C12orf43: variants seen among roughly 807,000 people sequenced by gnomAD.
C12orf43 encodes the protein protein CUSTOS.
C12orf43 carries 15 observed loss-of-function variants against 20.6 expected under a neutral mutation model. The ratio of observed to expected loss-of-function variants is 0.73; its 90% confidence interval spans 0.49 to 1.12. The LOEUF (loss-of-function observed/expected upper bound fraction) is 1.12. Among genes scored for constraint, C12orf43 ranks in the 50% most tolerant of loss-of-function variants. C12orf43 has a pLI of 0.00. For synonymous variants in C12orf43, 144 were observed against 130.8 expected (o/e 1.10, Z -0.69); for missense variants, 334 against 344.4 (o/e 0.97, Z 0.24).
In C12orf43 at chr12:121,005,171, CAAAAAA is replaced by C. The variant is rs1592908781; in HGVS notation, c.362-84_362-79del. 4 of 790,534 alleles carry C rather than the reference CAAAAAA, an allele frequency of 5.1e-6. No homozygotes were observed. In the East Asian group the frequency reaches 1.4e-4, roughly 27 times the overall value. 49.0% of individuals were successfully genotyped at this position (790,534 alleles called of 1,614,324 possible). A position where few individuals can be genotyped will look rare whatever the true frequency, so the allele number is the denominator to read the frequency against. ...CATAAAAAAATAAAAAATAAAGAAA[CAAAAAA>C]GAAAAAAATTTTAAAAAGGAAAACG... On this transcript the variant is annotated intron_variant, in intron 4 of 5. Coordinates refer to ENST00000288757, the MANE Select transcript of C12orf43 (RefSeq NM_022895.3). This position sits in a 1 kb window ranked among gnomAD's most constrained non-coding sequence, Gnocchi z 5.6.
At position 121,001,725 on chromosome 12, in the gene C12orf43, C is replaced by T; in HGVS notation, c.*2428G>A. 1 of 523,458 alleles carries T rather than the reference C, an allele frequency of 1.9e-6. No individual in the cohort carries two copies. Among genetic ancestry groups the T allele is most frequent in the South Asian group, 1.6e-5 (1 of 63,066 alleles). 32.4% of individuals were successfully genotyped at this position (523,458 alleles called of 1,614,324 possible). A position where few individuals can be genotyped will look rare whatever the true frequency, so the allele number is the denominator to read the frequency against. On this transcript the variant is annotated 3_prime_UTR_variant, in exon 6 of 6. Transcript: ENST00000288757. ...GCTAGTGACCCACATGCCATTTGTA[C>T]TGACCCCATCACCTACTCACACAGG...
chr12:121,003,960 C>A lies in C12orf43; in HGVS notation c.*193G>T, dbSNP rs927683433. The A allele has an allele frequency of 9.4e-6, 6 of 639,792 alleles. No individual in the cohort carries two copies. The highest frequency in any genetic ancestry group is 1.6e-5 in the Non-Finnish European group (6 of 364,562). 39.6% of individuals were successfully genotyped at this position (639,792 alleles called of 1,614,324 possible). A position where few individuals can be genotyped will look rare whatever the true frequency, so the allele number is the denominator to read the frequency against. ...AGGGGCAGGCCTTGATTGGTCTTCT[C>A]ACCCTACAGCCACTTTTTTGGCCCA... On this transcript the variant is annotated 3_prime_UTR_variant, in exon 6 of 6. Coordinates refer to ENST00000288757, the MANE Select transcript of C12orf43 (RefSeq NM_022895.3).
intron 3 of C12orf43, 178 bp from the exon 4 acceptor site, chr12:121,006,572 G>A (rs1017610866): frequency 8.4e-6 from 5 of 597,608 alleles, no homozygotes; most frequent in African/African-American, 3.7e-5. Context: ...TCTGCCACGC[G>A]AACTGCAGTG....
At position 121,000,668 on chromosome 12, in the gene C12orf43, C is replaced by G. The variant is rs1877395187; in HGVS notation, c.*3485G>C. On this transcript the variant is annotated 3_prime_UTR_variant, in exon 6 of 6. Coordinates refer to ENST00000288757, the MANE Select transcript of C12orf43 (RefSeq NM_022895.3). The stretch of plus-strand genomic sequence containing the variant: ...CGGCCTTCCACTGATGTAGGAGGCC[C>G]ACCCATATTTTCAGGGTAATCTCCT... 3.4e-6 allele frequency: 1 copy of G among 294,472 alleles called. No individual in the cohort carries two copies. The highest frequency in any genetic ancestry group is 2.2e-5 in the African/African-American group (1 of 45,904). 18.2% of individuals were successfully genotyped at this position (294,472 alleles called of 1,614,324 possible).
At chr12:121,012,046 G>A (rs138439841) in intron 1 of C12orf43, among the ~76,000 whole-genome samples, 4 of 152,308 alleles carry the variant, frequency 2.6e-5, no homozygotes, top group East Asian at 1.9e-4. Flanking sequence ...GGAAAAAAAC[G>A]GAAACAAAGT....
In C12orf43 at chr12:121,016,394, G is replaced by A; in HGVS notation, c.81C>T (p.Arg27=). The change falls in exon 1 of 6, where the codon CGC becomes CGT. Residue 27 remains arginine (R), a synonymous_variant. Coordinates refer to ENST00000288757, the MANE Select transcript of C12orf43 (RefSeq NM_022895.3). ...AGCCCCAAGCCGGCATTGCCGCCTC[G>A]CGGCACCGCTCCAGCTCCTCCGCAT... is the stretch of plus-strand genomic sequence containing the variant. ...SSDAEELERC[R]EAAMPAWGLE... is the part of the protein sequence containing the mutation. 6.2e-7 allele frequency: 1 copy of A among 1,613,910 alleles called. No homozygotes were observed. The highest frequency in any genetic ancestry group is 8.5e-7 in the Non-Finnish European group (1 of 1,180,042).
Position 121,001,864 on chromosome 12 carries a change from G to C in C12orf43, c.*2289C>G, listed in dbSNP as rs1057365818. 3.8e-6 allele frequency: 2 copies of C among 521,152 alleles called. No individual in the cohort carries two copies. Among genetic ancestry groups the C allele is most frequent in the Non-Finnish European group, 7.4e-6 (2 of 268,614 alleles). 32.3% of individuals were successfully genotyped at this position (521,152 alleles called of 1,614,324 possible). A position where few individuals can be genotyped will look rare whatever the true frequency, so the allele number is the denominator to read the frequency against. ...GCTCTCCTGGCTTCCCATCCCCAGC[G>C]ATTCCCTCTCCCAGGCCCCATGACC... On this transcript the variant is annotated 3_prime_UTR_variant, in exon 6 of 6. Coordinates refer to ENST00000288757, the MANE Select transcript of C12orf43 (RefSeq NM_022895.3).
Position 121,004,966 on chromosome 12 carries a change from A to G in C12orf43, c.452+37T>C. The G allele has an allele frequency of 2.8e-6, 4 of 1,450,554 alleles. No homozygotes were observed. Among genetic ancestry groups the G allele is most frequent in the Non-Finnish European group, 3.7e-6 (4 of 1,081,724 alleles). The allele number at this position is 1,450,554 out of a possible 1,614,324, so 89.9% of individuals were successfully genotyped here. On this transcript the variant is annotated intron_variant, in intron 5 of 5. Transcript: ENST00000288757. This position sits in a 1 kb window ranked among gnomAD's most constrained non-coding sequence, Gnocchi z 5.6. ...AACCCACCAAGACAGAAGAGGAGAA[A>G]AAAGGAGGGGACGTGAGGAGAGGTG...
At chr12:121,013,511 T>C (rs2135886320) in intron 1 of C12orf43, among the ~76,000 whole-genome samples, 1 of 152,320 alleles carries the variant, frequency 6.6e-6, no homozygotes, top group East Asian at 1.9e-4. Context: ...CTTCCTGGAT[T>C]TGTAAGCTAC....
Position 121,004,970 on chromosome 12 carries a change from G to T in C12orf43, c.452+33C>A. ...CACCAAGACAGAAGAGGAGAAAAAA[G>T]GAGGGGACGTGAGGAGAGGTGTGAG... On this transcript the variant is annotated intron_variant, in intron 5 of 5. Coordinates refer to ENST00000288757, the MANE Select transcript of C12orf43 (RefSeq NM_022895.3). This position sits in a 1 kb window ranked among gnomAD's most constrained non-coding sequence, Gnocchi z 5.6. The T allele has an allele frequency of 6.8e-7, 1 of 1,464,496 alleles. No individual in the cohort carries two copies. Among genetic ancestry groups the T allele is most frequent in the Non-Finnish European group, 9.2e-7 (1 of 1,092,218 alleles). The allele number at this position is 1,464,496 out of a possible 1,614,324, so 90.7% of individuals were successfully genotyped here. A position where few individuals can be genotyped will look rare whatever the true frequency, so the allele number is the denominator to read the frequency against.
At position 121,016,456 on chromosome 12, in the gene C12orf43, T is replaced by C. The variant is rs763171580; in HGVS notation, c.19A>G (p.Thr7Ala). 4 of 1,614,094 alleles carry C rather than the reference T, an allele frequency of 2.5e-6. No individual in the cohort carries two copies. The highest frequency in any genetic ancestry group is 3.4e-6 in the Non-Finnish European group (4 of 1,180,036). The change falls in exon 1 of 6, where the codon ACA becomes GCA. Residue 7 changes from threonine to alanine, a missense_variant. Physicochemically the swap from Thr to Ala is moderately conservative, Grantham distance 58. Coordinates refer to ENST00000288757, the MANE Select transcript of C12orf43 (RefSeq NM_022895.3). MAAPSGTVSDSESSNSS... is the reference protein window; with the variant it reads MAAPSGAVSDSESSNSS... ...TTACTACTTTCCGAATCGCTCACTGTGCCACTGGGCGCCGCCATCTTGAAC... is the reference window on the plus strand; with the variant it reads ...TTACTACTTTCCGAATCGCTCACTGCGCCACTGGGCGCCGCCATCTTGAAC...
Position 121,002,056 on chromosome 12 carries a change from C to T in C12orf43, c.*2097G>A, listed in dbSNP as rs750496742. 1.7e-4 allele frequency: 90 copies of T among 536,744 alleles called. No homozygotes were observed. The highest frequency in any genetic ancestry group is 2.5e-4 in the Non-Finnish European group (69 of 276,720). 33.2% of individuals were successfully genotyped at this position (536,744 alleles called of 1,614,324 possible). On this transcript the variant is annotated 3_prime_UTR_variant, in exon 6 of 6. Coordinates refer to ENST00000288757, the MANE Select transcript of C12orf43 (RefSeq NM_022895.3). ...TCCTGGTGGGGCAGCTCCTCTGTCT[C>T]GAGCGCCCTGCAGACCCTGCCCTTG...
At chr12:121,011,033 C>G in intron 2 of C12orf43, 71 bp downstream of exon 2, 1 of 1,594,660 alleles carries the variant, frequency 6.3e-7, no homozygotes, top group Non-Finnish European at 8.6e-7. Flanking sequence ...GGCGTGAAGC[C>G]TAGCATCTGG....
At chr12:121,010,262 G>T (rs966016380) in intron 3 of C12orf43, among the ~76,000 whole-genome samples, 1 of 152,212 alleles carries the variant, frequency 6.6e-6, no homozygotes, top group Non-Finnish European at 1.5e-5. Flanking sequence ...AAGATTGTGC[G>T]TGCCACTGCA....
At position 121,001,634 on chromosome 12, in the gene C12orf43, C is replaced by T. The variant is rs1319896434; in HGVS notation, c.*2519G>A. 2.3e-6 allele frequency: 1 copy of T among 442,532 alleles called. No individual in the cohort carries two copies. The highest frequency in any genetic ancestry group is 4.3e-6 in the Non-Finnish European group (1 of 231,302). 27.4% of individuals were successfully genotyped at this position (442,532 alleles called of 1,614,324 possible). ...TGCTGAGCTCTGAGAGGCCCTGGAT[C>T]AGCGTGGCCTTGTTCTGTCACCAAT... is the stretch of plus-strand genomic sequence containing the variant. On this transcript the variant is annotated 3_prime_UTR_variant, in exon 6 of 6. Coordinates refer to ENST00000288757, the MANE Select transcript of C12orf43 (RefSeq NM_022895.3).
rs1877600599 is a variant in C12orf43 at position 121,002,737 on chromosome 12, C to T, written c.*1416G>A. 1 of 310,982 alleles carries T rather than the reference C, an allele frequency of 3.2e-6. No individual in the cohort carries two copies. Among genetic ancestry groups the T allele is most frequent in the South Asian group, 2.6e-5 (1 of 37,864 alleles). 19.3% of individuals were successfully genotyped at this position (310,982 alleles called of 1,614,324 possible). A position where few individuals can be genotyped will look rare whatever the true frequency, so the allele number is the denominator to read the frequency against. ...ATTTTGTTTTGGAGACAGGGTCTCA[C>T]TGTCACCCAGGCTGGACTGCAGTGG... On this transcript the variant is annotated 3_prime_UTR_variant, in exon 6 of 6. Coordinates refer to ENST00000288757, the MANE Select transcript of C12orf43 (RefSeq NM_022895.3).
intron 1 of C12orf43, among the ~76,000 whole-genome samples, chr12:121,013,099 C>T (rs1173838712): frequency 6.6e-6 from 1 of 152,204 alleles, no homozygotes; most frequent in Non-Finnish European, 1.5e-5. Context: ...CACCCATACA[C>T]ATTGCATCTG....
rs150658679 is a variant in C12orf43, at chr12:121,012,184, G to A, written c.146-1038C>T. On this transcript the variant is annotated intron_variant, in intron 1 of 5. Coordinates refer to ENST00000288757, the MANE Select transcript of C12orf43 (RefSeq NM_022895.3). ...GAGAGGGAGTGAACCAAGTGGACAT[G>A]TGGGACACAGCCTTCCAGGCAGAGG... Among the ~76,000 whole-genome samples, 925 of 152,324 alleles carry A rather than the reference G, an allele frequency of 6.1e-3. 14 individuals carry two copies. Among genetic ancestry groups the A allele is most frequent in the Non-Finnish European group, 8.0e-3 (546 of 68,024 alleles).
In C12orf43 at chr12:121,004,215, T is replaced by C; in HGVS notation, c.727A>G (p.Lys243Glu). ...GGGAATGGAGAGGTCTCGCTGGCCT[T>C]CTTTGCCTTTTTCTTCTTTTTGGTC... ...LGTKKKKKAK[K>E]ASETSPFPPA... The change falls in exon 6 of 6, where the codon AAG (lysine) becomes GAG (glutamate). Residue 243 changes from lysine (K) to glutamate (E), a missense_variant. Physicochemically the swap from Lys to Glu is moderately conservative, Grantham distance 56. Transcript: ENST00000288757. This position sits in a 1 kb window ranked among gnomAD's most constrained non-coding sequence, Gnocchi z 5.6. The C allele has an allele frequency of 6.2e-7, 1 of 1,614,160 alleles. No individual in the cohort carries two copies. The highest frequency in any genetic ancestry group is 8.5e-7 in the Non-Finnish European group (1 of 1,180,006).
Sources: allele counts gnomAD v4.1 joint callset (sites outside exome capture counted in the v4.1 genomes callset), GRCh38; gene constraint gnomAD v4.1.1; non-coding constraint Gnocchi (gnomAD v3.1); transcripts MANE v1.5; gene names NCBI Gene and HGNC (gene_info 2026-07-23, HGNC 2026-07-21).